CYBB: variants seen among roughly 807,000 people sequenced by gnomAD.
The protein encoded by CYBB is NADPH oxidase 2.
A neutral mutation model predicts 46.5 loss-of-function variants in CYBB; 5 were observed. That is an observed-to-expected ratio of 0.11 (90% CI 0.06 to 0.23). The LOEUF is 0.23. Among genes scored for constraint, CYBB ranks in the 10% least tolerant of loss-of-function variants. The probability of loss-of-function intolerance (pLI) is 1.00; values close to 1 mark genes in which losing one functional copy is unlikely to be tolerated. For synonymous variants in CYBB, 183 were observed against 156.7 expected (o/e 1.17, Z -1.26); for missense variants, 307 against 428.3 (o/e 0.72, Z 2.50).
At chrX:37,800,797 C>A (rs144619445) in intron 7 of CYBB, among the ~76,000 whole-genome samples, 1,624 of 112,390 alleles carry the variant, frequency 0.014, 27 homozygotes, top group African/African-American at 0.048. Flanking sequence ...CAAACTCTTG[C>A]ATAAAATTTG....
At position 37,810,452 on chromosome X, in the gene CYBB, A is replaced by T. The variant is rs145292115; in HGVS notation, c.1587-339A>T. On this transcript the variant is annotated intron_variant, in intron 12 of 12. Transcript: ENST00000378588. ...TGGTTGGCATAGTTAGCTTGTTCCT[A>T]ATTTCAAGATGCCAGGGGGCACAGA... 2.0e-4 allele frequency among the ~76,000 whole-genome samples: 22 copies of T among 112,157 alleles called. 1 individual carries two copies. In the East Asian group the frequency reaches 6.2e-3, roughly 31 times the overall value.
chrX:37,791,595 GTA>G (rs1929198007), intron 3 of CYBB, among the ~76,000 whole-genome samples: 1 of 112,059 alleles, frequency 8.9e-6, no homozygotes, highest in Non-Finnish European at 1.9e-5. Context: ...TGACTATGAG[GTA>G]TGTGATGTTA....
chrX:37,792,022 T>C lies in CYBB; in HGVS notation c.300T>C (p.Phe100=). The change falls in exon 4 of 13, where the codon TTT becomes TTC. Residue 100 remains phenylalanine, a synonymous_variant. Transcript: ENST00000378588. ...VRRQLDRNLT[F]HKMVAWMIAL... ...GACAACTGGACAGGAATCTCACCTTTCATAAAATGGTGGCATGGATGATTG... is the reference window on the plus strand; with the variant it reads ...GACAACTGGACAGGAATCTCACCTTCCATAAAATGGTGGCATGGATGATTG... 1 of 1,207,910 alleles carries C rather than the reference T, an allele frequency of 8.3e-7. No homozygotes were observed. The highest frequency in any genetic ancestry group is 3.0e-5 in the East Asian group (1 of 33,811).
chrX:37,785,129 C>A (rs1929034687), intron 3 of CYBB, among the ~76,000 whole-genome samples: 1 of 112,210 alleles, frequency 8.9e-6, no homozygotes, highest in South Asian at 3.6e-4. Flanking sequence ...ACCATTTCAT[C>A]TTAAACCAAC....
intron 8 of CYBB, 77 bp downstream of exon 8, chrX:37,801,425 C>A: frequency 1.6e-6 from 1 of 643,165 alleles, no homozygotes; most frequent in Non-Finnish European, 2.7e-6. Flanking sequence ...TCCTCTATAT[C>A]ATTGATCAGA....
At chrX:37,798,607 C>A (rs1197488173) in intron 6 of CYBB, among the ~76,000 whole-genome samples, 2 of 111,866 alleles carry the variant, frequency 1.8e-5, no homozygotes, top group African/African-American at 6.5e-5. Context: ...CTGTAGGGGC[C>A]AGCAGTCACT....
At chrX:37,795,902 G>C in intron 5 of CYBB, 49 bp from the exon 6 acceptor site, 1 of 627,113 alleles carries the variant, frequency 1.6e-6, no homozygotes, top group Non-Finnish European at 2.5e-6. Context: ...GTGTGTGTGT[G>C]TGTGTGTGTG....
chrX:37,804,931 A>C, intron 9 of CYBB, 75 bp from the exon 10 acceptor site: 1 of 1,019,574 alleles, frequency 9.8e-7, no homozygotes. Flanking sequence ...GCACATCCCC[A>C]ATAATTATGG....
At position 37,799,076 on chromosome X, in the gene CYBB, C is replaced by T; in HGVS notation, c.796C>T (p.Pro266Ser). ...ECPIPQFAGN[P>S]PMTWKWIVGP... ...CCCAATCCCTCAGTTTGCTGGAAACCCTCCTATGGTATGTACAATTCATTG... is the reference window on the plus strand; with the variant it reads ...CCCAATCCCTCAGTTTGCTGGAAACTCTCCTATGGTATGTACAATTCATTG... Residue 266 changes from proline to serine, a missense_variant, in exon 7 of 13, where the codon CCT (proline) becomes TCT (serine). By Grantham distance (74) the Pro-to-Ser change is moderately conservative. Around this residue, in one of 3 missense-constraint regions of CYBB, gnomAD observed 82 missense variants for 69.9 expected, o/e 1.17. Transcript: ENST00000378588. 2 of 1,206,501 alleles carry T rather than the reference C, an allele frequency of 1.7e-6. No homozygotes were observed. Among genetic ancestry groups the T allele is most frequent in the East Asian group, 5.9e-5 (2 of 33,739 alleles).
intron 8 of CYBB, among the ~76,000 whole-genome samples, chrX:37,802,595 C>T (rs1285296343): frequency 8.9e-6 from 1 of 111,769 alleles, no homozygotes; most frequent in Non-Finnish European, 1.9e-5. Flanking sequence ...CAATTTTCAA[C>T]ATAATTTTAA....
At position 37,806,379 on chromosome X, in the gene CYBB, A is replaced by G. The variant is rs1303123098; in HGVS notation, c.1315-8A>G. 2 of 1,208,608 alleles carry G rather than the reference A, an allele frequency of 1.7e-6. No individual in the cohort carries two copies. Among genetic ancestry groups the G allele is most frequent in the Non-Finnish European group, 2.2e-6 (2 of 894,247 alleles). The stretch of plus-strand genomic sequence containing the variant: ...TATAATCTGCTTCATGATCCACCCC[A>G]TTTTCAGATCTACTTCTACTGGCTG... On this transcript the variant is annotated splice_region_variant and splice_polypyrimidine_tract_variant and intron_variant, in intron 10 of 12. Transcript: ENST00000378588.
chrX:37,806,540 A>G lies in CYBB; in HGVS notation c.1461+7A>G. The G allele has an allele frequency of 1.7e-6, 2 of 1,207,040 alleles. No individual in the cohort carries two copies. Among genetic ancestry groups the G allele is most frequent in the Non-Finnish European group, 2.2e-6 (2 of 892,340 alleles). ...TGGCTGGGATGAGTCTCAGGTAAGG[A>G]CAAGACTCCAAGGCTCAGGTCCTTC... On this transcript the variant is annotated splice_region_variant and intron_variant, in intron 11 of 12. Transcript: ENST00000378588.
In CYBB at chrX:37,782,209, A is replaced by G. The variant is rs782747624; in HGVS notation, c.141+26A>G. The G allele has an allele frequency of 4.1e-6, 4 of 966,583 alleles. No individual in the cohort carries two copies. In the South Asian group the frequency reaches 7.7e-5, roughly 19 times the overall value. The allele number at this position is 966,583 out of a possible 1,213,427, so 79.7% of individuals were successfully genotyped here. Reference sequence around the variant, plus strand: ...GTAAGTATAAATTCCATCCCATGCAATATTGGCTGGTTCACATTTCTCATC... The same window carrying G: ...GTAAGTATAAATTCCATCCCATGCAGTATTGGCTGGTTCACATTTCTCATC... On this transcript the variant is annotated intron_variant, in intron 2 of 12. Coordinates refer to ENST00000378588, the MANE Select transcript of CYBB (RefSeq NM_000397.4).
At position 37,803,935 on chromosome X, in the gene CYBB, T is replaced by C; in HGVS notation, c.956T>C (p.Met319Thr). Reference sequence around the variant, plus strand: ...CAGATGAAGAAGAAGGGGTTCAAAATGGAAGTGGGACAATACATTTTTGTC... The same window carrying C: ...CAGATGAAGAAGAAGGGGTTCAAAACGGAAGTGGGACAATACATTTTTGTC... Reference protein sequence around the residue: ...ELQMKKKGFKMEVGQYIFVKC... With the variant: ...ELQMKKKGFKTEVGQYIFVKC... Residue 319 changes from methionine to threonine, a missense_variant, in exon 9 of 13, where the codon ATG becomes ACG. Transcript: ENST00000378588. 8.3e-7 allele frequency: 1 copy of C among 1,210,865 alleles called. No individual in the cohort carries two copies. Among genetic ancestry groups the C allele is most frequent in the Non-Finnish European group, 1.1e-6 (1 of 894,901 alleles).
intron 1 of CYBB, among the ~76,000 whole-genome samples, chrX:37,781,808 A>G (rs782046361): frequency 9.0e-6 from 1 of 111,530 alleles, no homozygotes; most frequent in Non-Finnish European, 1.9e-5. Flanking sequence ...AAGAGAGGGG[A>G]AAAAAAGGGA....
intron 2 of CYBB, 118 bp from the exon 3 acceptor site, chrX:37,783,372 G>A (rs1928995037): frequency 1.9e-5 from 10 of 537,865 alleles, no homozygotes; most frequent in African/African-American, 4.5e-5. Context: ...GGACCTTCCT[G>A]TACAGATCAC....
rs150257462 is a variant in CYBB at position 37,803,609 on chromosome X, T to A, written c.898-268T>A. Among the ~76,000 whole-genome samples the A allele has an allele frequency of 3.2e-3, 359 of 110,681 alleles. 1 individual carries two copies. Among genetic ancestry groups the A allele is most frequent in the African/African-American group, 0.011 (346 of 30,453 alleles). On this transcript the variant is annotated intron_variant, in intron 8 of 12. Coordinates refer to ENST00000378588, the MANE Select transcript of CYBB (RefSeq NM_000397.4). ...TGGCCTCAGCTGATACTACAGGGAG[T>A]GTGGAAATTGAGATGGCCTCTTGGA...
chrX:37,799,198 T>C, intron 7 of CYBB, 114 bp downstream of exon 7: 1 of 734,931 alleles, frequency 1.4e-6, no homozygotes, highest in Non-Finnish European at 2.1e-6. Flanking sequence ...ACAAATGTCA[T>C]GGAACAGCTA....
rs782495755 is a variant in CYBB, at chrX:37,780,087, T to A, written c.10T>A (p.Trp4Arg). 7.8e-5 allele frequency: 94 copies of A among 1,208,597 alleles called. No individual in the cohort carries two copies. In the South Asian group the frequency reaches 1.5e-3, roughly 19 times the overall value. The stretch of plus-strand genomic sequence containing the variant: ...TTCAACCTCTGCCACCATGGGGAAC[T>A]GGGCTGTGAATGAGGGGCTCTCCAT... MGNWAVNEGLSIFV... is the reference protein window; with the variant it reads MGNRAVNEGLSIFV... Residue 4 changes from tryptophan (W) to arginine (R), a missense_variant, in exon 1 of 13, where the codon TGG becomes AGG. This residue lies in a region of CYBB where 103 missense variants were observed against 150.2 expected (regional missense o/e 0.69). Coordinates refer to ENST00000378588, the MANE Select transcript of CYBB (RefSeq NM_000397.4).
Sources: gnomAD v4.1 joint callset for allele counts (sites outside exome capture counted in the v4.1 genomes callset) on GRCh38, gnomAD v4.1.1 for gene constraint, gnomAD v4.1.1 regional missense constraint, MANE v1.5 for transcripts, NCBI Gene and HGNC (gene_info 2026-07-23, HGNC 2026-07-21) for gene names.